NRG4: variants seen among roughly 807,000 people sequenced by gnomAD.
The protein encoded by NRG4 is pro-neuregulin-4, membrane-bound isoform.
A neutral mutation model predicts 15.0 loss-of-function variants in NRG4; 10 were observed. The observed-to-expected ratio is 0.67, with a 90% CI of 0.41 to 1.13. NRG4 has a LOEUF of 1.13. Ranked by LOEUF, NRG4 falls within the 50% of genes most tolerant of loss-of-function variation. The pLI, the probability that NRG4 is intolerant of heterozygous loss-of-function variation, is 0.00. For synonymous variants in NRG4, 41 were observed against 50.1 expected, an observed-to-expected ratio of 0.82 and a Z score of 0.77; for missense variants, 139 against 140.2, an observed-to-expected ratio of 0.99 and a Z score of 0.04.
At position 75,943,668 on chromosome 15, in the gene NRG4, G is replaced by C. The variant is rs1399693691; in HGVS notation, c.332-14C>G. 13 of 1,533,890 alleles carry C rather than the reference G, an allele frequency of 8.5e-6. No homozygotes were observed. Among genetic ancestry groups the C allele is most frequent in the Admixed American group, 1.7e-5 (1 of 59,018 alleles). On this transcript the variant is annotated splice_polypyrimidine_tract_variant and intron_variant, in intron 5 of 5. Transcript: ENST00000394907. ...GTTGTTCATGACCTGTGAAAAATAA[G>C]TAAGAATTAAGATGCTTTCTCCATT...
At chr15:75,987,834 G>T (rs1310113920) in intron 3 of NRG4, among the ~76,000 whole-genome samples, 6 of 152,204 alleles carry the variant, frequency 3.9e-5, no homozygotes, top group Admixed American at 3.9e-4. Flanking sequence ...TCCTGTTACT[G>T]TTATCAAGGT....
At chr15:75,978,631 T>C (rs2033468871) in intron 3 of NRG4, among the ~76,000 whole-genome samples, 2 of 152,212 alleles carry the variant, frequency 1.3e-5, no homozygotes, top group African/African-American at 2.4e-5. Context: ...CTGTTTTCCA[T>C]AGTGGCTGTA....
intron 3 of NRG4, among the ~76,000 whole-genome samples, chr15:76,003,196 A>T (rs2034475326): frequency 6.6e-6 from 1 of 152,194 alleles, no homozygotes; most frequent in African/African-American, 2.4e-5. Context: ...AAAATTGAGC[A>T]ATACACTTTC....
intron 3 of NRG4, among the ~76,000 whole-genome samples, chr15:75,984,293 G>T (rs909870671): frequency 2.6e-5 from 4 of 152,070 alleles, no homozygotes; most frequent in Non-Finnish European, 5.9e-5. Flanking sequence ...TCACGGCAGG[G>T]GGTATATACA....
chr15:75,978,504 A>G (rs1301552663), intron 3 of NRG4, among the ~76,000 whole-genome samples: 1 of 152,242 alleles, frequency 6.6e-6, no homozygotes, highest in South Asian at 2.1e-4. Context: ...GCTGCAATAA[A>G]CATGGGAGTA....
intron 4 of NRG4, among the ~76,000 whole-genome samples, chr15:75,961,193 T>C (rs1205066972): frequency 6.6e-6 from 1 of 152,152 alleles, no homozygotes. Context: ...CTAAATTCTA[T>C]ATTTACTTTT....
chr15:76,060,065 G>T (rs760104620), upstream of NRG4: 1 of 141,972 alleles, frequency 7.0e-6, no homozygotes, highest in Non-Finnish European at 1.5e-5. Context: ...CTGCCTCACT[G>T]CCCGAGTCTT....
intron 5 of NRG4, among the ~76,000 whole-genome samples, chr15:76,029,824 A>G (rs1234938937): frequency 1.3e-5 from 2 of 152,236 alleles, no homozygotes; most frequent in Non-Finnish European, 1.5e-5. Flanking sequence ...AAGGTTTAAC[A>G]TTGTTTAAAA....
intron 3 of NRG4, among the ~76,000 whole-genome samples, chr15:75,962,612 C>T (rs1397058461): frequency 6.6e-6 from 1 of 152,106 alleles, no homozygotes; most frequent in African/African-American, 2.4e-5. Context: ...TCTCCACTGC[C>T]AACCAAATAT....
upstream of NRG4, among the ~76,000 whole-genome samples, chr15:76,015,326 C>T (rs534134785): frequency 6.6e-6 from 1 of 152,174 alleles, no homozygotes; most frequent in East Asian, 1.9e-4. Flanking sequence ...ATTTGAATAA[C>T]CTTTATTTCT....
At chr15:75,954,703 G>A (rs2032128275) in intron 5 of NRG4, among the ~76,000 whole-genome samples, 1 of 152,066 alleles carries the variant, frequency 6.6e-6, no homozygotes, top group Admixed American at 6.5e-5. Flanking sequence ...GGGATTACAG[G>A]TATGAGCCAC....
chr15:76,005,156 T>C lies in NRG4; in HGVS notation c.104+4044A>G, dbSNP rs532553235. Among the ~76,000 whole-genome samples the C allele has an allele frequency of 3.3e-5, 5 of 151,744 alleles. No homozygotes were observed. In the South Asian group the frequency reaches 1.0e-3, roughly 32 times the overall value. ...TGGGAAGCTGAGGTGGGAGGATCAC[T>C]TAAGGCCAGGAGTTTGATGCCAGGA... On this transcript the variant is annotated intron_variant, in intron 3 of 5. Transcript: ENST00000394907.
chr15:75,954,453 G>A (rs368058208), intron 5 of NRG4, among the ~76,000 whole-genome samples: 4 of 145,634 alleles, frequency 2.7e-5, no homozygotes, highest in Admixed American at 6.8e-5. Context: ...TTTTTGAGAC[G>A]GAATCTTGCT....
chr15:75,975,894 G>T (rs955957413), intron 3 of NRG4, among the ~76,000 whole-genome samples: 1 of 152,064 alleles, frequency 6.6e-6, no homozygotes. Context: ...TTTGAATGTT[G>T]GCCTGTCTTG....
At chr15:75,982,327 A>G (rs2033638493) in intron 3 of NRG4, among the ~76,000 whole-genome samples, 1 of 152,242 alleles carries the variant, frequency 6.6e-6, no homozygotes, top group Non-Finnish European at 1.5e-5. Context: ...ATGATTCAAA[A>G]TCAGGACTAA....
rs1356257408 is a variant in NRG4 at position 75,941,157 on chromosome 15, A to G, written c.*2481T>C. 2.0e-5 allele frequency: 3 copies of G among 152,204 alleles called. No individual in the cohort carries two copies. The highest frequency in any genetic ancestry group is 4.8e-5 in the African/African-American group (2 of 41,456). The allele number at this position is 152,204 out of a possible 1,614,324, so 9.4% of individuals were successfully genotyped here. ...ATAGATCTCCAGAGAGGACATGCAGATAGCCAGTGAGCACAGGAAAAAATG... is the reference window on the plus strand; with the variant it reads ...ATAGATCTCCAGAGAGGACATGCAGGTAGCCAGTGAGCACAGGAAAAAATG... On this transcript the variant is annotated 3_prime_UTR_variant, in exon 6 of 6. Coordinates refer to ENST00000394907, the MANE Select transcript of NRG4 (RefSeq NM_138573.4).
At chr15:76,009,950 A>C (rs1361710337) in intron 2 of NRG4, among the ~76,000 whole-genome samples, 1 of 152,168 alleles carries the variant, frequency 6.6e-6, no homozygotes, top group Non-Finnish European at 1.5e-5. Flanking sequence ...GAATATTAAG[A>C]AAATAAACCT....
At chr15:76,040,164 C>T (rs1416276947) in intron 4 of NRG4, among the ~76,000 whole-genome samples, 2 of 152,084 alleles carry the variant, frequency 1.3e-5, no homozygotes, top group Admixed American at 1.3e-4. Flanking sequence ...ATCCCAAAAG[C>T]AGCAAGAGAA....
chr15:75,980,085 C>A (rs540939786), intron 3 of NRG4, among the ~76,000 whole-genome samples: 1 of 152,076 alleles, frequency 6.6e-6, no homozygotes, highest in Non-Finnish European at 1.5e-5. Flanking sequence ...ACCTGATAAG[C>A]TTTTAGCATG....
Sources: allele counts gnomAD v4.1 joint callset (sites outside exome capture counted in the v4.1 genomes callset), GRCh38; gene constraint gnomAD v4.1.1; transcripts MANE v1.5; gene names NCBI Gene and HGNC (gene_info 2026-07-23, HGNC 2026-07-21).